IMPDH1: variants seen among roughly 807,000 people sequenced by gnomAD.
IMPDH1 encodes the protein inosine monophosphate dehydrogenase 1.
A neutral mutation model predicts 73.5 loss-of-function variants in IMPDH1; 41 were observed. The ratio of observed to expected loss-of-function variants is 0.56; its 90% confidence interval spans 0.43 to 0.72. The LOEUF (loss-of-function observed/expected upper bound fraction) is 0.72, where lower values mean the gene tolerates loss of function less well. Ranked by LOEUF, IMPDH1 falls within the 30% of genes least tolerant of loss-of-function variation. The pLI is 0.00. For missense variants in IMPDH1, 645 were observed against 824.8 expected, an observed-to-expected ratio of 0.78 and a Z score of 2.67; for synonymous variants, 318 against 334.3, an observed-to-expected ratio of 0.95 and a Z score of 0.53.
chr7:128,409,927 G>A lies in IMPDH1; in HGVS notation c.-26C>T, dbSNP rs748008089. The A allele has an allele frequency of 3.3e-5, 45 of 1,349,916 alleles. No homozygotes were observed. In the South Asian group the frequency reaches 6.1e-4, roughly 18 times the overall value. 83.6% of individuals were successfully genotyped at this position (1,349,916 alleles called of 1,614,324 possible). On this transcript the variant is annotated 5_prime_UTR_variant, in exon 1 of 17. Coordinates refer to ENST00000338791, the MANE Select transcript of IMPDH1 (RefSeq NM_000883.4). ...GCGGAGGCCGCAGCTCAGGGCGGGC[G>A]GGAGCCTGGAGGCTCCCGGGGCCCC...
rs1798089372 is a variant in IMPDH1, at chr7:128,398,541, C to T, written c.947G>A (p.Arg316Gln). The change falls in exon 10 of 17, where the codon CGA (arginine) becomes CAA (glutamine). Residue 316 changes from arginine to glutamine, a missense_variant. By Grantham distance (43) the Arg-to-Gln change is conservative. Transcript: ENST00000338791. The surrounding 1 kb of genome is among the most constrained non-coding windows in gnomAD (Gnocchi z 4.3). Reference sequence around the variant, plus strand: ...ATCCTTGGAGGCCAGAGGGTAGTCTCGGTTCTTCTTCAGGTCGGTGCGGGC... The same window carrying T: ...ATCCTTGGAGGCCAGAGGGTAGTCTTGGTTCTTCTTCAGGTCGGTGCGGGC... ...IIARTDLKKNRDYPLASKDSQ... is the reference protein window; with the variant it reads ...IIARTDLKKNQDYPLASKDSQ... The T allele has an allele frequency of 6.2e-7, 1 of 1,613,548 alleles. No individual in the cohort carries two copies. Among genetic ancestry groups the T allele is most frequent in the Non-Finnish European group, 8.5e-7 (1 of 1,179,710 alleles).
chr7:128,394,966 C>T lies in IMPDH1; in HGVS notation c.1473G>A (p.Val491=). Residue 491 remains valine (V), a synonymous_variant, in exon 14 of 17, where the codon GTG becomes GTA. Transcript: ENST00000338791. The surrounding 1 kb of genome is among the most constrained non-coding windows in gnomAD (Gnocchi z 5.5). ...APGEYFFSDG[V]RLKKYRGMGS... Reference sequence around the variant, plus strand: ...CCATGCCCCGGTACTTCTTGAGCCGCACCCCGTCTGAGAAGAAGTACTCGC... The same window carrying T: ...CCATGCCCCGGTACTTCTTGAGCCGTACCCCGTCTGAGAAGAAGTACTCGC... The T allele has an allele frequency of 1.2e-6, 2 of 1,613,990 alleles. 1 individual carries two copies. The highest frequency in any genetic ancestry group is 1.7e-6 in the Non-Finnish European group (2 of 1,180,020).
Position 128,394,539 on chromosome 7 carries a change from G to A in IMPDH1, c.1611C>T (p.Ser537=). 6.2e-7 allele frequency: 1 copy of A among 1,613,902 alleles called. No individual in the cohort carries two copies. Among genetic ancestry groups the A allele is most frequent in the Non-Finnish European group, 8.5e-7 (1 of 1,179,932 alleles). ...GVSGSIQDKG[S]IQKFVPYLIA... Reference sequence around the variant, plus strand: ...TGAGGTAGGGCACGAACTTCTGAATGGATCCTTTGTCCTGGATGGAGCCCG... The same window carrying A: ...TGAGGTAGGGCACGAACTTCTGAATAGATCCTTTGTCCTGGATGGAGCCCG... The change falls in exon 15 of 17, where the codon TCC becomes TCT. Residue 537 remains serine (S), a synonymous_variant. Coordinates refer to ENST00000338791, the MANE Select transcript of IMPDH1 (RefSeq NM_000883.4). This position sits in a 1 kb window ranked among gnomAD's most constrained non-coding sequence, Gnocchi z 5.5.
Position 128,395,230 on chromosome 7 carries a change from C to A in IMPDH1, c.1306G>T (p.Ala436Ser), listed in dbSNP as rs762510282. The A allele has an allele frequency of 1.9e-6, 3 of 1,613,812 alleles. No individual in the cohort carries two copies. Among genetic ancestry groups the A allele is most frequent in the Middle Eastern group, 3.4e-4 (2 of 5,946 alleles). The stretch of plus-strand genomic sequence containing the variant: ...ACACCAAAGCGCCGGGCATACTCAG[C>A]CACCTTGTACACAGCAGTGCCCTGG... ...RPQGTAVYKV[A>S]EYARRFGVPI... The change falls in exon 13 of 17, where the codon GCT (alanine) becomes TCT (serine). Residue 436 changes from alanine (A) to serine (S), a missense_variant. Physicochemically the swap from Ala to Ser is moderately conservative, Grantham distance 99 (BLOSUM62 1). Around this residue, in one of 2 missense-constraint regions of IMPDH1, gnomAD observed 459 missense variants for 638.2 expected, o/e 0.72. Transcript: ENST00000338791.
At chr7:128,393,931 G>C (rs1797716260) in intron 16 of IMPDH1, among the ~76,000 whole-genome samples, 1 of 152,116 alleles carries the variant, frequency 6.6e-6, no homozygotes, top group Admixed American at 6.5e-5. Context: ...GGTCACACCC[G>C]CATCTTCTGC....
intron 5 of IMPDH1, among the ~76,000 whole-genome samples, chr7:128,401,621 G>A (rs1321141306): frequency 1.3e-5 from 2 of 152,180 alleles, no homozygotes; most frequent in African/African-American, 4.8e-5. Context: ...GATTTGATTC[G>A]GAGAGAAGCC....
intron 4 of IMPDH1, 76 bp from the exon 5 acceptor site, chr7:128,403,830 G>A (rs894294348): frequency 3.4e-5 from 44 of 1,278,826 alleles, no homozygotes; most frequent in Admixed American, 8.4e-5. Flanking sequence ...TGCCAGAGGA[G>A]GCAGCAGGGG....
chr7:128,395,097 C>T (rs1797821331), intron 13 of IMPDH1, 34 bp downstream of exon 13: 1 of 1,613,958 alleles, frequency 6.2e-7, no homozygotes, highest in Non-Finnish European at 8.5e-7. Context: ...TTCCAGCCCT[C>T]GCCTGCCCAA....
At chr7:128,409,669 C>G (rs555394020) in intron 1 of IMPDH1, 87 bp downstream of exon 1, 3 of 1,512,720 alleles carry the variant, frequency 2.0e-6, no homozygotes, top group East Asian at 2.4e-5. Context: ...GCCCCTCCCC[C>G]GCAGCGTCGC....
At chr7:128,395,063 G>A in intron 13 of IMPDH1, 30 bp from the exon 14 acceptor site, 1 of 1,613,540 alleles carries the variant, frequency 6.2e-7, no homozygotes, top group Non-Finnish European at 8.5e-7. Context: ...AGTGCCTCCA[G>A]CCCACTAGTG....
chr7:128,400,483 C>T lies in IMPDH1; in HGVS notation c.636G>A (p.Val212=). The change falls in exon 8 of 17, where the codon GTG becomes GTA. Residue 212 remains valine, a synonymous_variant. Coordinates refer to ENST00000338791, the MANE Select transcript of IMPDH1 (RefSeq NM_000883.4). ...DPVVLSPSHT[V]GDVLEAKMRH... is the part of the protein sequence containing the mutation. ...GCATCTTGGCCTCCAGCACATCGCC[C>T]ACAGTGTGCGAGGGGCTCAGCACCA... The T allele has an allele frequency of 1.2e-6, 2 of 1,612,726 alleles. No homozygotes were observed. Among genetic ancestry groups the T allele is most frequent in the Non-Finnish European group, 1.7e-6 (2 of 1,180,010 alleles).
At chr7:128,408,192 C>T (rs890102055) in intron 3 of IMPDH1, among the ~76,000 whole-genome samples, 1 of 152,174 alleles carries the variant, frequency 6.6e-6, no homozygotes, top group Admixed American at 6.5e-5. Flanking sequence ...GGTCCAAGCC[C>T]CTTCCTCAGG....
intron 12 of IMPDH1, among the ~76,000 whole-genome samples, chr7:128,395,644 T>C (rs529022358): frequency 1.3e-5 from 2 of 152,262 alleles, no homozygotes; most frequent in Non-Finnish European, 2.9e-5. Flanking sequence ...TGGTCCCCTT[T>C]GGGATACTGG....
intron 3 of IMPDH1, 149 bp from the exon 4 acceptor site, chr7:128,406,014 A>T: frequency 2.3e-6 from 1 of 442,330 alleles, no homozygotes; most frequent in Non-Finnish European, 3.0e-6. Flanking sequence ...GGGCTGCGGC[A>T]GCGGCAGGGC....
intron 3 of IMPDH1, among the ~76,000 whole-genome samples, chr7:128,407,824 A>G (rs1005219321): frequency 6.6e-6 from 1 of 152,192 alleles, no homozygotes; most frequent in African/African-American, 2.4e-5. Flanking sequence ...TGACTGTGAC[A>G]TCTGCCCCAG....
Position 128,409,201 on chromosome 7 carries a change from G to A in IMPDH1, c.254+88C>T, listed in dbSNP as rs370231848. ...TTCCCCTACAGACCCCAGCATGGGG[G>A]CCTGCGTCTTCGGAGAGACCTTGAG... On this transcript the variant is annotated intron_variant, in intron 3 of 16. Coordinates refer to ENST00000338791, the MANE Select transcript of IMPDH1 (RefSeq NM_000883.4). 1.9e-5 allele frequency: 22 copies of A among 1,168,592 alleles called. No homozygotes were observed. In the African/African-American group the frequency reaches 2.9e-4, roughly 15 times the overall value. 72.4% of individuals were successfully genotyped at this position (1,168,592 alleles called of 1,614,324 possible).
At chr7:128,403,577 G>A (rs1798489451) in intron 5 of IMPDH1, 129 bp downstream of exon 5, 2 of 689,956 alleles carry the variant, frequency 2.9e-6, no homozygotes, top group Non-Finnish European at 5.0e-6. Context: ...AAAAAAAAAG[G>A]ACTATATCCT....
chr7:128,393,118 G>A, intron 16 of IMPDH1, 90 bp from the exon 17 acceptor site: 6 of 1,378,092 alleles, frequency 4.4e-6, no homozygotes, highest in Middle Eastern at 1.8e-4. Context: ...CCAGATGTAG[G>A]AGAGAACAGA....
In IMPDH1 at chr7:128,392,556, T is replaced by G; in HGVS notation, c.*451A>C. 5.4e-6 allele frequency: 1 copy of G among 183,990 alleles called. No homozygotes were observed. Among genetic ancestry groups the G allele is most frequent in the Non-Finnish European group, 1.1e-5 (1 of 87,414 alleles). The allele number at this position is 183,990 out of a possible 1,614,324, so 11.4% of individuals were successfully genotyped here. A position where few individuals can be genotyped will look rare whatever the true frequency, so the allele number is the denominator to read the frequency against. Reference sequence around the variant, plus strand: ...GGCAGAGACCTCCCCTTGGCCTAGGTCAGGAGCTCAGAAGTGCCACATGGC... The same window carrying G: ...GGCAGAGACCTCCCCTTGGCCTAGGGCAGGAGCTCAGAAGTGCCACATGGC... On this transcript the variant is annotated 3_prime_UTR_variant, in exon 17 of 17. Coordinates refer to ENST00000338791, the MANE Select transcript of IMPDH1 (RefSeq NM_000883.4).
Sources: allele counts gnomAD v4.1 joint callset (sites outside exome capture counted in the v4.1 genomes callset), GRCh38; gene constraint gnomAD v4.1.1; regional missense constraint gnomAD v4.1.1; non-coding constraint Gnocchi (gnomAD v3.1); transcripts MANE v1.5; gene names NCBI Gene and HGNC (gene_info 2026-07-23, HGNC 2026-07-21).